The following ACVR1C variants were observed in gnomAD, a reference collection of about 807,000 sequenced individuals.
ACVR1C encodes the protein activin receptor type-1C.
Under a neutral mutation model 57.9 loss-of-function variants are expected in ACVR1C, and 23 were observed. That is an observed-to-expected ratio of 0.40 (90% confidence interval 0.29 to 0.56). The LOEUF (loss-of-function observed/expected upper bound fraction) is 0.56, where lower values mean the gene tolerates loss of function less well. Ranked by LOEUF, ACVR1C falls within the 20% of genes least tolerant of loss-of-function variation. ACVR1C has a pLI of 0.50. For synonymous variants in ACVR1C, 214 were observed against 215.3 expected (o/e 0.99, Z 0.05); for missense variants, 480 against 607.9 (o/e 0.79, Z 2.21).
intron 3 of ACVR1C, among the ~76,000 whole-genome samples, chr2:157,552,204 C>G (rs1460917483): frequency 6.6e-6 from 1 of 152,192 alleles, no homozygotes; most frequent in Non-Finnish European, 1.5e-5. Context: ...ATGATCTCAG[C>G]TCACTACTAT....
intron 2 of ACVR1C, among the ~76,000 whole-genome samples, chr2:157,566,368 C>G (rs541151846): frequency 6.6e-6 from 1 of 152,144 alleles, no homozygotes; most frequent in Admixed American, 6.5e-5. Flanking sequence ...CCAAGATGGC[C>G]GAATAGGAAC....
At chr2:157,583,029 G>A (rs1055223408) in intron 2 of ACVR1C, among the ~76,000 whole-genome samples, 7 of 151,828 alleles carry the variant, frequency 4.6e-5, no homozygotes, top group Non-Finnish European at 7.4e-5. Flanking sequence ...CTACAGGCGC[G>A]TACTAATTTT....
intron 1 of ACVR1C, among the ~76,000 whole-genome samples, chr2:157,590,732 A>G (rs1294575801): frequency 6.6e-6 from 1 of 151,950 alleles, no homozygotes; most frequent in Non-Finnish European, 1.5e-5. Flanking sequence ...CTAGTGCTTT[A>G]GAACATGTTT....
chr2:157,577,924 A>C (rs529917524), intron 2 of ACVR1C, among the ~76,000 whole-genome samples: 2 of 152,106 alleles, frequency 1.3e-5, no homozygotes, highest in South Asian at 4.2e-4. Context: ...GCTCCCACCC[A>C]GGCTGGAGTG....
chr2:157,623,093 G>T (rs544841189), intron 1 of ACVR1C, among the ~76,000 whole-genome samples: 1 of 152,030 alleles, frequency 6.6e-6, no homozygotes, highest in Non-Finnish European at 1.5e-5. Context: ...CTTACATTCC[G>T]AAGACAGGCA....
At chr2:157,602,699 C>T (rs1380177052) in intron 1 of ACVR1C, among the ~76,000 whole-genome samples, 1 of 151,988 alleles carries the variant, frequency 6.6e-6, no homozygotes, top group African/African-American at 2.4e-5. Flanking sequence ...GGAACTTGTT[C>T]ACTATAAATA....
At chr2:157,608,046 A>T (rs1188837012) in intron 1 of ACVR1C, among the ~76,000 whole-genome samples, 2 of 151,838 alleles carry the variant, frequency 1.3e-5, no homozygotes, top group Non-Finnish European at 3.0e-5. Flanking sequence ...GAGAGTCAGC[A>T]TTCTTGTCTT....
chr2:157,621,350 C>A (rs1230830398), intron 1 of ACVR1C, among the ~76,000 whole-genome samples: 4 of 152,062 alleles, frequency 2.6e-5, no homozygotes, highest in African/African-American at 9.7e-5. Flanking sequence ...CAATGGTAGC[C>A]CCTGAGAAGG....
intron 1 of ACVR1C, among the ~76,000 whole-genome samples, chr2:157,594,713 T>C (rs902019379): frequency 2.0e-5 from 3 of 152,070 alleles, no homozygotes; most frequent in Admixed American, 6.6e-5. Context: ...AATCTTAGTG[T>C]CCACAGGATT....
At position 157,618,699 on chromosome 2, in the gene ACVR1C, G is replaced by C. The variant is rs181903755; in HGVS notation, c.73+9873C>G. Reference sequence around the variant, plus strand: ...GTAGATATATAAATATTAACCATAAGAAAGGTGGGATAGTTATATTAATAT... The same window carrying C: ...GTAGATATATAAATATTAACCATAACAAAGGTGGGATAGTTATATTAATAT... On this transcript the variant is annotated intron_variant, in intron 1 of 8. Coordinates refer to ENST00000243349, the MANE Select transcript of ACVR1C (RefSeq NM_145259.3). Among the ~76,000 whole-genome samples the C allele has an allele frequency of 4.2e-3, 632 of 151,808 alleles. 5 individuals are homozygous for C. Among genetic ancestry groups the C allele is most frequent in the African/African-American group, 0.014 (599 of 41,506 alleles).
At chr2:157,599,847 A>C (rs993152416) in intron 1 of ACVR1C, among the ~76,000 whole-genome samples, 1 of 152,204 alleles carries the variant, frequency 6.6e-6, no homozygotes, top group East Asian at 1.9e-4. Context: ...TGTGTAAAGA[A>C]AAAACACCAC....
chr2:157,589,290 G>A (rs1689008912), intron 1 of ACVR1C, among the ~76,000 whole-genome samples: 1 of 151,914 alleles, frequency 6.6e-6, no homozygotes, highest in East Asian at 1.9e-4. Context: ...GATTAGTGAT[G>A]TTGAACATTT....
chr2:157,542,964 G>GC, intron 5 of ACVR1C, 102 bp from the exon 6 acceptor site: 1 of 1,212,162 alleles, frequency 8.2e-7, no homozygotes, highest in Non-Finnish European at 1.1e-6. Context: ...TTCAAAAAGA[G>GC]TTTTCTTCAA....
intron 2 of ACVR1C, 59 bp downstream of exon 2, chr2:157,587,128 T>G (rs1688942149): frequency 7.1e-7 from 1 of 1,399,540 alleles, no homozygotes. Flanking sequence ...ATTCCTACCA[T>G]TCTTATAGTT....
In ACVR1C at chr2:157,615,898, T is replaced by C. The variant is rs369461208; in HGVS notation, c.73+12674A>G. ...ACTTTGTTCCTCTTTATGTAAGAGG[T>C]ATTTTTTAATGCAAGCTGCCTTCAA... On this transcript the variant is annotated intron_variant, in intron 1 of 8. Coordinates refer to ENST00000243349, the MANE Select transcript of ACVR1C (RefSeq NM_145259.3). 3.7e-4 allele frequency among the ~76,000 whole-genome samples: 57 copies of C among 152,318 alleles called. 1 individual carries two copies. In the South Asian group the frequency reaches 0.011, roughly 30 times the overall value.
intron 2 of ACVR1C, among the ~76,000 whole-genome samples, chr2:157,574,031 A>C (rs1171279957): frequency 1.3e-5 from 2 of 152,232 alleles, no homozygotes; most frequent in East Asian, 3.8e-4. Context: ...TGCCCGACAC[A>C]GAAGAGTCAG....
chr2:157,611,608 C>T (rs1682535469), intron 1 of ACVR1C, among the ~76,000 whole-genome samples: 1 of 152,148 alleles, frequency 6.6e-6, no homozygotes, highest in Admixed American at 6.5e-5. Flanking sequence ...GGACAACTTT[C>T]TGGGTCCTGA....
At chr2:157,628,316 C>T (rs778132103) in intron 1 of ACVR1C, among the ~76,000 whole-genome samples, 54 of 152,110 alleles carry the variant, frequency 3.6e-4, no homozygotes, top group Non-Finnish European at 4.6e-4. Flanking sequence ...ACTACTTATT[C>T]CCCCACGTCC....
intron 3 of ACVR1C, among the ~76,000 whole-genome samples, chr2:157,554,209 AAG>A (rs1688002170): frequency 1.1e-5 from 1 of 87,988 alleles, no homozygotes; most frequent in African/African-American, 5.9e-5. Context: ...GAGAGAAAGA[AAG>A]AAAGAAAGAA....
Sources: gnomAD v4.1 joint callset for allele counts (sites outside exome capture counted in the v4.1 genomes callset) on GRCh38, gnomAD v4.1.1 for gene constraint, MANE v1.5 for transcripts, NCBI Gene and HGNC (gene_info 2026-07-23, HGNC 2026-07-21) for gene names.